GPC6: variants seen among roughly 807,000 people sequenced by gnomAD.
GPC6 encodes glypican-6.
GPC6 carries 14 observed loss-of-function variants against 55.2 expected under a neutral mutation model. That is an observed-to-expected ratio of 0.25 (90% CI 0.17 to 0.40). The LOEUF is 0.40. Ranked by LOEUF, GPC6 falls within the 10% of genes least tolerant of loss-of-function variation. GPC6 has a pLI of 1.00. For missense variants in GPC6, 641 were observed against 708.5 expected, an observed-to-expected ratio of 0.90 and a Z score of 1.08; for synonymous variants, 278 against 259.6, an observed-to-expected ratio of 1.07 and a Z score of -0.68.
chr13:94,149,732 C>T (rs1887673646), intron 4 of GPC6, among the ~76,000 whole-genome samples: 2 of 152,016 alleles, frequency 1.3e-5, no homozygotes, highest in Non-Finnish European at 2.9e-5. Flanking sequence ...CTCCTTGACC[C>T]ACAGAGAAGA....
chr13:93,856,067 A>G (rs944907174), intron 3 of GPC6, among the ~76,000 whole-genome samples: 5 of 151,584 alleles, frequency 3.3e-5, no homozygotes, highest in African/African-American at 9.7e-5. Flanking sequence ...TTCATGGATC[A>G]TGCCTTTTGT....
rs558258160 is a variant in GPC6 at position 93,931,178 on chromosome 13, G to A, written c.712-96551G>A. On this transcript the variant is annotated intron_variant, in intron 3 of 8. Coordinates refer to ENST00000377047, the MANE Select transcript of GPC6 (RefSeq NM_005708.5). ...TTTGATGGGGACACAAATCCAAACC[G>A]TATCAGTATAATAACCATCTATGAG... Among the ~76,000 whole-genome samples, 18 of 152,128 alleles carry A rather than the reference G, an allele frequency of 1.2e-4. No homozygotes were observed. In the South Asian group the frequency reaches 2.1e-3, roughly 18 times the overall value.
At chr13:94,318,525 G>A (rs999652938) in intron 6 of GPC6, among the ~76,000 whole-genome samples, 3 of 151,990 alleles carry the variant, frequency 2.0e-5, no homozygotes, top group African/African-American at 7.2e-5. Context: ...ATATCTTATT[G>A]TGTAATACTC....
chr13:94,026,634 A>G (rs544270933), intron 3 of GPC6, among the ~76,000 whole-genome samples: 4 of 152,254 alleles, frequency 2.6e-5, no homozygotes, highest in South Asian at 4.1e-4. Context: ...ACTATCTTGT[A>G]TGAGTTCATT....
At chr13:93,614,086 T>A (rs1390201129) in intron 2 of GPC6, among the ~76,000 whole-genome samples, 1 of 152,206 alleles carries the variant, frequency 6.6e-6, no homozygotes, top group African/African-American at 2.4e-5. Flanking sequence ...GGAATAGACT[T>A]TATTTTCTCC....
chr13:94,189,570 G>A (rs1889315361), intron 4 of GPC6, among the ~76,000 whole-genome samples: 1 of 152,154 alleles, frequency 6.6e-6, no homozygotes, highest in Non-Finnish European at 1.5e-5. Context: ...CTGAACATAG[G>A]ACACCTCTAG....
At chr13:93,363,583 C>T (rs1051210334) in intron 1 of GPC6, among the ~76,000 whole-genome samples, 5 of 151,548 alleles carry the variant, frequency 3.3e-5, no homozygotes, top group Admixed American at 6.6e-5. Flanking sequence ...TGAATAATGC[C>T]GCAATAAACA....
At chr13:93,285,589 C>T (rs1422306994) in intron 1 of GPC6, among the ~76,000 whole-genome samples, 2 of 140,292 alleles carry the variant, frequency 1.4e-5, no homozygotes, top group African/African-American at 2.7e-5. Context: ...ATTATTTTTC[C>T]TGGGATGTAT....
At chr13:93,791,704 A>G (rs1886040228) in intron 2 of GPC6, among the ~76,000 whole-genome samples, 1 of 152,142 alleles carries the variant, frequency 6.6e-6, no homozygotes, top group African/African-American at 2.4e-5. Context: ...TATAAAAGCC[A>G]CTGCTGACAC....
At chr13:93,632,300 G>T (rs905301152) in intron 2 of GPC6, among the ~76,000 whole-genome samples, 4 of 152,014 alleles carry the variant, frequency 2.6e-5, no homozygotes, top group African/African-American at 9.7e-5. Flanking sequence ...ACTATTAACG[G>T]TAATGAAATA....
chr13:94,008,015 A>C (rs777670115), intron 3 of GPC6, among the ~76,000 whole-genome samples: 1 of 152,182 alleles, frequency 6.6e-6, no homozygotes, highest in Non-Finnish European at 1.5e-5. Context: ...GTCAATATTC[A>C]TTCCAAAATA....
At chr13:93,390,171 C>A (rs1218328807) in intron 1 of GPC6, among the ~76,000 whole-genome samples, 3 of 5,140 alleles carry the variant, frequency 5.8e-4, no homozygotes, top group African/African-American at 1.0e-3. Context: ...AGTGAAAATT[C>A]TGTTTTTTTT....
At chr13:93,827,230 T>C (rs1887297197) in intron 2 of GPC6, among the ~76,000 whole-genome samples, 1 of 152,242 alleles carries the variant, frequency 6.6e-6, no homozygotes, top group South Asian at 2.1e-4. Flanking sequence ...TATATTGTCC[T>C]TGAATTTTGT....
chr13:93,490,335 A>G (rs1413676043), intron 1 of GPC6, among the ~76,000 whole-genome samples: 1 of 151,340 alleles, frequency 6.6e-6, no homozygotes, highest in African/African-American at 2.4e-5. Flanking sequence ...TGTCTTCTCA[A>G]CCTTATCACA....
In GPC6 at chr13:93,891,332, G is replaced by A. The variant is rs1048640123; in HGVS notation, c.711+60787G>A. On this transcript the variant is annotated intron_variant, in intron 3 of 8. Transcript: ENST00000377047. ...CTCATTTTATTTCAAACGTAGGTGAGGTTGCTTTGTTTGGCTTTCATTCTG... is the reference window on the plus strand; with the variant it reads ...CTCATTTTATTTCAAACGTAGGTGAAGTTGCTTTGTTTGGCTTTCATTCTG... Among the ~76,000 whole-genome samples, 10 of 152,124 alleles carry A rather than the reference G, an allele frequency of 6.6e-5. No homozygotes were observed. In the South Asian group the frequency reaches 2.1e-3, roughly 32 times the overall value.
intron 1 of GPC6, among the ~76,000 whole-genome samples, chr13:93,487,992 T>C (rs181204000): frequency 2.0e-5 from 3 of 152,368 alleles, no homozygotes; most frequent in Non-Finnish European, 2.9e-5. Context: ...TATTATACTT[T>C]AAGTTCTAGG....
chr13:93,333,548 T>TTC (rs1225490189), intron 1 of GPC6, among the ~76,000 whole-genome samples: 1 of 150,872 alleles, frequency 6.6e-6, no homozygotes, highest in East Asian at 1.9e-4. Flanking sequence ...TTTTTTTTTT[T>TTC]TTGAGACAGG....
At chr13:94,005,087 T>G (rs1222419232) in intron 3 of GPC6, among the ~76,000 whole-genome samples, 1 of 151,964 alleles carries the variant, frequency 6.6e-6, no homozygotes, top group East Asian at 1.9e-4. Context: ...AATATCTGAA[T>G]GGACATCAGG....
At chr13:93,567,594 AT>A (rs1398354448) in intron 2 of GPC6, among the ~76,000 whole-genome samples, 2 of 151,976 alleles carry the variant, frequency 1.3e-5, no homozygotes, top group East Asian at 3.9e-4. Context: ...AAGCACTGGG[AT>A]TACAGGTGTG....
Sources: allele counts gnomAD v4.1 joint callset (sites outside exome capture counted in the v4.1 genomes callset), GRCh38; gene constraint gnomAD v4.1.1; transcripts MANE v1.5; gene names NCBI Gene and HGNC (gene_info 2026-07-23, HGNC 2026-07-21).